The following SORCS3 variants were observed in gnomAD, a reference collection of about 807,000 sequenced individuals.
SORCS3 encodes the protein sortilin related VPS10 domain containing receptor 3, also known as VPS10 domain-containing receptor SorCS3.
Under a neutral mutation model 146.3 loss-of-function variants are expected in SORCS3, and 57 were observed. The observed-to-expected ratio is 0.39, with a 90% CI of 0.31 to 0.49. The LOEUF is 0.49. Among genes scored for constraint, SORCS3 ranks in the 20% least tolerant of loss-of-function variants. The pLI is 0.92. For synonymous variants in SORCS3, 653 were observed against 618.5 expected, an observed-to-expected ratio of 1.06 and a Z score of -0.83; for missense variants, 1,341 against 1,575.5, an observed-to-expected ratio of 0.85 and a Z score of 2.52.
chr10:104,970,705 A>T (rs893427645), intron 3 of SORCS3, among the ~76,000 whole-genome samples: 1 of 152,216 alleles, frequency 6.6e-6, no homozygotes, highest in Non-Finnish European at 1.5e-5. Context: ...TATTTCAATG[A>T]AGCCAAAGCA....
intron 2 of SORCS3, among the ~76,000 whole-genome samples, chr10:104,911,498 T>C (rs2018967128): frequency 6.6e-6 from 1 of 152,200 alleles, no homozygotes; most frequent in African/African-American, 2.4e-5. Flanking sequence ...TGAGAGTTAT[T>C]TGGATTCGGG....
intron 1 of SORCS3, among the ~76,000 whole-genome samples, chr10:104,817,152 T>G (rs2017806965): frequency 6.6e-6 from 1 of 152,136 alleles, no homozygotes; most frequent in African/African-American, 2.4e-5. Flanking sequence ...GGGCCCACAC[T>G]ACTTATGAGC....
chr10:104,643,682 C>A (rs1207417635), intron 1 of SORCS3, among the ~76,000 whole-genome samples: 1 of 149,344 alleles, frequency 6.7e-6, no homozygotes, highest in East Asian at 2.0e-4. Flanking sequence ...GTTGTGAATC[C>A]CAACTTCATT....
At chr10:104,845,422 C>T (rs1330856969) in intron 2 of SORCS3, among the ~76,000 whole-genome samples, 1 of 152,196 alleles carries the variant, frequency 6.6e-6, no homozygotes, top group African/African-American at 2.4e-5. Flanking sequence ...AATGAATGGG[C>T]TGTTTTAAGG....
intron 13 of SORCS3, among the ~76,000 whole-genome samples, chr10:105,171,205 C>G (rs1431344115): frequency 6.6e-6 from 1 of 152,112 alleles, no homozygotes; most frequent in Non-Finnish European, 1.5e-5. Context: ...TTGTTTCCTA[C>G]AAATTGAAAT....
intron 1 of SORCS3, among the ~76,000 whole-genome samples, chr10:104,736,481 A>G (rs1249865704): frequency 6.6e-6 from 1 of 152,168 alleles, no homozygotes; most frequent in East Asian, 1.9e-4. Flanking sequence ...TTTTGACTGT[A>G]AGTGACACTT....
At chr10:104,967,378 C>T (rs2054831732) in intron 3 of SORCS3, among the ~76,000 whole-genome samples, 2 of 152,170 alleles carry the variant, frequency 1.3e-5, no homozygotes, top group Non-Finnish European at 2.9e-5. Context: ...AACAAACACA[C>T]GTACAGACAA....
chr10:105,110,192 T>TC lies in SORCS3; in HGVS notation c.1212+4677_1212+4678insC, dbSNP rs1310775316. 2.3e-3 allele frequency among the ~76,000 whole-genome samples: 348 copies of TC among 152,210 alleles called. 1 individual carries two copies. The highest frequency in any genetic ancestry group is 7.8e-3 in the African/African-American group (326 of 41,566). ...TTTTCCTGTTTTTGTTTAACTTCTTTTCTGAGCTTTGCCAGTTTATATTGT... is the reference window on the plus strand; with the variant it reads ...TTTTCCTGTTTTTGTTTAACTTCTTTCTCTGAGCTTTGCCAGTTTATATTGT... On this transcript the variant is annotated intron_variant, in intron 7 of 26. Transcript: ENST00000369701.
At chr10:104,871,140 C>T (rs887570993) in intron 2 of SORCS3, among the ~76,000 whole-genome samples, 4 of 152,190 alleles carry the variant, frequency 2.6e-5, no homozygotes, top group African/African-American at 9.6e-5. Context: ...GTGTGTCATA[C>T]ACTATCTGAA....
intron 1 of SORCS3, among the ~76,000 whole-genome samples, chr10:104,732,133 A>G (rs1453068676): frequency 1.5e-4 from 23 of 152,188 alleles, no homozygotes; most frequent in African/African-American, 2.4e-5. Context: ...ACATCATCTT[A>G]TATTACTGCT....
At chr10:104,924,901 T>G (rs2019123878) in intron 3 of SORCS3, among the ~76,000 whole-genome samples, 1 of 150,848 alleles carries the variant, frequency 6.6e-6, no homozygotes. Context: ...AATGCTTTAA[T>G]TTTTTTAAAA....
At chr10:104,811,377 A>G (rs1368545988) in intron 1 of SORCS3, among the ~76,000 whole-genome samples, 2 of 152,216 alleles carry the variant, frequency 1.3e-5, no homozygotes, top group African/African-American at 4.8e-5. Context: ...CTGAGAAGAG[A>G]GGGAACTTGC....
intron 1 of SORCS3, among the ~76,000 whole-genome samples, chr10:104,801,849 T>C (rs1393852783): frequency 6.6e-6 from 1 of 152,192 alleles, no homozygotes; most frequent in East Asian, 1.9e-4. Context: ...TGTTAAAAAA[T>C]TGGAAATTTC....
chr10:104,771,702 C>T (rs2017251644), intron 1 of SORCS3, among the ~76,000 whole-genome samples: 1 of 152,076 alleles, frequency 6.6e-6, no homozygotes, highest in African/African-American at 2.4e-5. Context: ...AGTGCCAATG[C>T]ACTCAAAGGA....
chr10:104,711,834 A>T (rs185737034), intron 1 of SORCS3, among the ~76,000 whole-genome samples: 173 of 152,256 alleles, frequency 1.1e-3, no homozygotes, highest in African/African-American at 3.0e-3. Context: ...ATTTGAGCTA[A>T]GGGTGTTGTC....
At chr10:104,743,811 T>A (rs1053962337) in intron 1 of SORCS3, among the ~76,000 whole-genome samples, 1 of 152,178 alleles carries the variant, frequency 6.6e-6, no homozygotes, top group African/African-American at 2.4e-5. Flanking sequence ...GATGTGGATA[T>A]GAGGACTTGG....
intron 4 of SORCS3, among the ~76,000 whole-genome samples, chr10:105,029,789 CT>C (rs1320757858): frequency 6.6e-6 from 1 of 152,192 alleles, no homozygotes. Flanking sequence ...TAGAGGTTAG[CT>C]GAAGACAGGG....
chr10:105,014,417 A>G (rs1433138939), intron 4 of SORCS3, among the ~76,000 whole-genome samples: 2 of 152,096 alleles, frequency 1.3e-5, no homozygotes, highest in African/African-American at 4.8e-5. Context: ...AATGTATATA[A>G]TGCTATTAAT....
intron 1 of SORCS3, among the ~76,000 whole-genome samples, chr10:104,738,510 C>T (rs1386024226): frequency 1.3e-5 from 2 of 152,114 alleles, no homozygotes; most frequent in Non-Finnish European, 2.9e-5. Context: ...CTCCCATTTG[C>T]CGTTTCTTTC....
Sources: gnomAD v4.1 joint callset for allele counts (sites outside exome capture counted in the v4.1 genomes callset) on GRCh38, gnomAD v4.1.1 for gene constraint, MANE v1.5 for transcripts, NCBI Gene and HGNC (gene_info 2026-07-23, HGNC 2026-07-21) for gene names.